Variants in CNTNAP2 observed in about 807,000 individuals in gnomAD.
The protein encoded by CNTNAP2 is contactin-associated protein-like 2.
In CNTNAP2, 98 loss-of-function variants were observed where a neutral mutation model predicts 155.2. The ratio of observed to expected loss-of-function variants is 0.63; its 90% CI spans 0.54 to 0.75. CNTNAP2 has a LOEUF of 0.75. CNTNAP2 is among the 30% of genes least tolerant of loss of function. CNTNAP2 has a pLI of 0.00. For synonymous variants in CNTNAP2, 651 were observed against 631.2 expected, an observed-to-expected ratio of 1.03 and a Z score of -0.47; for missense variants, 1,727 against 1,688.1, an observed-to-expected ratio of 1.02 and a Z score of -0.40.
intron 4 of CNTNAP2, among the ~76,000 whole-genome samples, chr7:147,084,940 T>G (rs1410999710): frequency 2.0e-5 from 3 of 151,608 alleles, no homozygotes; most frequent in African/African-American, 7.3e-5. Flanking sequence ...ATCTCAAGTT[T>G]ACATTGATGA....
intron 14 of CNTNAP2, among the ~76,000 whole-genome samples, chr7:147,938,086 A>G (rs1800647412): frequency 6.6e-6 from 1 of 152,208 alleles, no homozygotes; most frequent in Non-Finnish European, 1.5e-5. Context: ...ATTGGCAGCT[A>G]GATTTTGACC....
At chr7:148,284,698 A>G (rs1235907951) in intron 21 of CNTNAP2, among the ~76,000 whole-genome samples, 1 of 151,932 alleles carries the variant, frequency 6.6e-6, no homozygotes, top group East Asian at 1.9e-4. Context: ...GTGGAAGGGG[A>G]ACATAACATG....
chr7:146,250,520 T>G (rs1022218268), intron 1 of CNTNAP2, among the ~76,000 whole-genome samples: 47 of 152,298 alleles, frequency 3.1e-4, no homozygotes, highest in Admixed American at 9.1e-4. Context: ...GCACAGGGCT[T>G]TCACTCTCTT....
chr7:147,608,790 G>C (rs879426979), intron 12 of CNTNAP2, among the ~76,000 whole-genome samples: 12 of 152,122 alleles, frequency 7.9e-5, no homozygotes, highest in African/African-American at 2.4e-4. Context: ...GGGTGCAGGC[G>C]GGCTGAGTCC....
In CNTNAP2 at chr7:146,839,761, G is replaced by A; in HGVS notation, c.259G>A (p.Val87Ile). The change falls in exon 3 of 24, where the codon GTT (valine) becomes ATT (isoleucine). Residue 87 changes from valine to isoleucine, a missense_variant. By Grantham distance (29) the Val-to-Ile change is conservative (BLOSUM62 3). Transcript: ENST00000361727. Reference sequence around the variant, plus strand: ...CAGCGACCATTATCAATGGCTTCAGGTTGACTTTGGCAATCGGAAGCAGAT... The same window carrying A: ...CAGCGACCATTATCAATGGCTTCAGATTGACTTTGGCAATCGGAAGCAGAT... ...SDSDHYQWLQ[V>I]DFGNRKQISA... 1.2e-6 allele frequency: 2 copies of A among 1,614,180 alleles called. No homozygotes were observed. The highest frequency in any genetic ancestry group is 2.2e-5 in the South Asian group (2 of 91,088).
intron 1 of CNTNAP2, among the ~76,000 whole-genome samples, chr7:146,504,066 G>A (rs141238850): frequency 1.6e-4 from 24 of 152,318 alleles, no homozygotes; most frequent in East Asian, 7.7e-4. Flanking sequence ...GGAATTGTGC[G>A]CCTGCACTAC....
intron 13 of CNTNAP2, among the ~76,000 whole-genome samples, chr7:147,676,581 T>C (rs1445847742): frequency 2.6e-5 from 4 of 151,976 alleles, no homozygotes; most frequent in African/African-American, 9.7e-5. Flanking sequence ...ATAGTCTCTG[T>C]GTTGTATGAT....
chr7:146,918,321 G>T (rs753680506), intron 3 of CNTNAP2, among the ~76,000 whole-genome samples: 3 of 152,018 alleles, frequency 2.0e-5, no homozygotes, highest in African/African-American at 7.2e-5. Context: ...GGTGTGTTTC[G>T]AGGATTTTTT....
At chr7:147,464,049 A>G (rs1466313035) in intron 10 of CNTNAP2, among the ~76,000 whole-genome samples, 1 of 151,678 alleles carries the variant, frequency 6.6e-6, no homozygotes, top group East Asian at 1.9e-4. Flanking sequence ...AAGACAATAC[A>G]TATGTGTGTG....
chr7:146,544,459 C>T (rs1031939433), intron 1 of CNTNAP2, among the ~76,000 whole-genome samples: 1 of 151,956 alleles, frequency 6.6e-6, no homozygotes, highest in African/African-American at 2.4e-5. Context: ...AGTTGTTCTT[C>T]CCTGAGTAAC....
chr7:147,950,459 GC>G (rs1048201929), intron 14 of CNTNAP2, among the ~76,000 whole-genome samples: 4 of 142,846 alleles, frequency 2.8e-5, no homozygotes, highest in African/African-American at 1.0e-4. Flanking sequence ...ATTGCTAATA[GC>G]CCTCTTTGAA....
intron 15 of CNTNAP2, among the ~76,000 whole-genome samples, chr7:148,054,823 CT>C (rs1802977828): frequency 6.6e-6 from 1 of 151,670 alleles, no homozygotes; most frequent in African/African-American, 2.4e-5. Flanking sequence ...CCAGGTAAGC[CT>C]TCCAAGCTTG....
chr7:147,585,694 T>C (rs919346424), intron 12 of CNTNAP2, among the ~76,000 whole-genome samples: 6 of 152,012 alleles, frequency 3.9e-5, no homozygotes, highest in Non-Finnish European at 8.8e-5. Context: ...TTGACCAACT[T>C]ATTTTAAATT....
chr7:148,276,061 G>A (rs1044726368), intron 21 of CNTNAP2, among the ~76,000 whole-genome samples: 1 of 152,094 alleles, frequency 6.6e-6, no homozygotes, highest in Non-Finnish European at 1.5e-5. Context: ...CAGATCAAAG[G>A]CGGCTTTACC....
rs10262096 is a variant in CNTNAP2, at chr7:146,676,588, C to G, written c.98-97683C>G. On this transcript the variant is annotated intron_variant, in intron 1 of 23. Transcript: ENST00000361727. ...TAGTAAGCATAGCACCTGTAGTAGT[C>G]TGTTTTCATGCTGCTAATAAAGACG... Among the ~76,000 whole-genome samples the G allele has an allele frequency of 9.9e-3, 1,510 of 152,086 alleles. 27 individuals carry two copies. The highest frequency in any genetic ancestry group is 0.035 in the African/African-American group (1,445 of 41,482).
intron 15 of CNTNAP2, among the ~76,000 whole-genome samples, chr7:148,017,857 C>T (rs996019951): frequency 6.6e-6 from 1 of 152,192 alleles, no homozygotes; most frequent in African/African-American, 2.4e-5. Flanking sequence ...TGCTTCAGAA[C>T]AGGTGAAAGA....
chr7:146,163,797 GAA>G (rs1413021507), intron 1 of CNTNAP2, among the ~76,000 whole-genome samples: 15 of 151,984 alleles, frequency 9.9e-5, no homozygotes, highest in Non-Finnish European at 1.5e-4. Flanking sequence ...GCAGACAAAA[GAA>G]AGAGATCATT....
At chr7:146,587,356 A>G (rs1406515225) in intron 1 of CNTNAP2, among the ~76,000 whole-genome samples, 1 of 152,164 alleles carries the variant, frequency 6.6e-6, no homozygotes, top group African/African-American at 2.4e-5. Context: ...GATATCTTTT[A>G]TCAACTTCAT....
At chr7:147,687,204 T>C (rs1014437835) in intron 13 of CNTNAP2, among the ~76,000 whole-genome samples, 1 of 152,082 alleles carries the variant, frequency 6.6e-6, no homozygotes, top group Non-Finnish European at 1.5e-5. Flanking sequence ...AATGAATTCA[T>C]AGAAAAATAA....
Sources: gnomAD v4.1 joint callset for allele counts (sites outside exome capture counted in the v4.1 genomes callset) on GRCh38, gnomAD v4.1.1 for gene constraint, MANE v1.5 for transcripts, NCBI Gene and HGNC (gene_info 2026-07-23, HGNC 2026-07-21) for gene names.